The following ZNF512B variants were observed in gnomAD, a reference collection of about 807,000 sequenced individuals.
ZNF512B encodes the protein zinc finger protein 512B.
In ZNF512B, 22 loss-of-function variants were observed where a neutral mutation model predicts 87.8. The ratio of observed to expected loss-of-function variants is 0.25; its 90% CI spans 0.18 to 0.36. The LOEUF (loss-of-function observed/expected upper bound fraction) is 0.36. Ranked by LOEUF, ZNF512B falls within the 10% of genes least tolerant of loss-of-function variation. The probability of loss-of-function intolerance (pLI) is 1.00; values close to 1 mark genes in which losing one functional copy is unlikely to be tolerated. For missense variants in ZNF512B, 1,060 were observed against 1,231.6 expected, an observed-to-expected ratio of 0.86 and a Z score of 2.09; for synonymous variants, 524 against 490.9, an observed-to-expected ratio of 1.07 and a Z score of -0.89.
chr20:63,969,499 G>A (rs1245299440), intron 1 of ZNF512B, among the ~76,000 whole-genome samples: 1 of 150,904 alleles, frequency 6.6e-6, no homozygotes, highest in Admixed American at 6.6e-5. Flanking sequence ...GCGCACCTGG[G>A]GCCAGCCTCG....
intron 1 of ZNF512B, chr20:63,969,000 C>T (rs1170587438): frequency 1.8e-6 from 1 of 543,258 alleles, no homozygotes; most frequent in Non-Finnish European, 2.3e-6. Flanking sequence ...TAACTTGGAT[C>T]CGAGGGGATG....
rs148308453 is a variant in ZNF512B at position 63,966,433 on chromosome 20, C to T, written c.742G>A (p.Val248Ile). Reference sequence around the variant, plus strand: ...TTGGTGACCGGCATGGCCTTGGTGACGGGCATGGGCCTGCTGACTGTGACA... The same window carrying T: ...TTGGTGACCGGCATGGCCTTGGTGATGGGCATGGGCCTGCTGACTGTGACA... ...KPVTVSRPMPVTKAMPVTKPI... is the reference protein window; with the variant it reads ...KPVTVSRPMPITKAMPVTKPI... Residue 248 changes from valine (V) to isoleucine (I), a missense_variant, in exon 5 of 17, where the codon GTC becomes ATC. Physicochemically the swap from Val to Ile is conservative, Grantham distance 29. Around this residue, in one of 9 missense-constraint regions of ZNF512B, gnomAD observed 201 missense variants for 226.8 expected, o/e 0.89. Transcript: ENST00000369888. The T allele has an allele frequency of 2.9e-5, 47 of 1,613,800 alleles. No individual in the cohort carries two copies. The highest frequency in any genetic ancestry group is 1.4e-4 in the South Asian group (13 of 91,050).
In ZNF512B at chr20:63,961,327, G is replaced by A. The variant is rs777928536; in HGVS notation, c.2409C>T (p.Ile803=). ...CTCGCACCTCTGCGTGGGTCTTCAG[G>A]ATGTGGTATTTGACGCCACTCTCAG... is the stretch of plus-strand genomic sequence containing the variant. ...FSSESGVKYH[I]LKTHAENWFR... Residue 803 remains isoleucine (I), a synonymous_variant, in exon 16 of 17, where the codon ATC becomes ATT. Transcript: ENST00000369888. This position sits in a 1 kb window ranked among gnomAD's most constrained non-coding sequence, Gnocchi z 6.4. The A allele has an allele frequency of 2.5e-6, 4 of 1,612,704 alleles. No homozygotes were observed. Among genetic ancestry groups the A allele is most frequent in the Non-Finnish European group, 2.5e-6 (3 of 1,179,966 alleles).
In ZNF512B at chr20:63,966,621, G is replaced by A; in HGVS notation, c.554C>T (p.Pro185Leu). ...PISRPVTISR[P>L]VGVSKPIGVS... ...TCCGATGGGCTTGCTGACCCCAACAGGCCGGCTGATGGTGACCGGCCTGCT... is the reference window on the plus strand; with the variant it reads ...TCCGATGGGCTTGCTGACCCCAACAAGCCGGCTGATGGTGACCGGCCTGCT... Residue 185 changes from proline (P) to leucine (L), a missense_variant, in exon 5 of 17, where the codon CCT becomes CTT. By Grantham distance (98) the Pro-to-Leu change is moderately conservative. Around this residue, in one of 9 missense-constraint regions of ZNF512B, gnomAD observed 201 missense variants for 226.8 expected, o/e 0.89. Coordinates refer to ENST00000369888, the MANE Select transcript of ZNF512B (RefSeq NM_020713.3). 6.2e-7 allele frequency: 1 copy of A among 1,613,520 alleles called. No individual in the cohort carries two copies. The highest frequency in any genetic ancestry group is 8.5e-7 in the Non-Finnish European group (1 of 1,179,940).
rs1279952308 is a variant in ZNF512B at position 63,964,311 on chromosome 20, G to A, written c.1333+9C>T. ...AGCCCTGGAGGTGCACACCGGGCTG[G>A]GGTCTTACCTTTGAGCCCAAAGGTC... On this transcript the variant is annotated intron_variant, in intron 7 of 16. Transcript: ENST00000369888. 6.2e-7 allele frequency: 1 copy of A among 1,613,902 alleles called. No homozygotes were observed. Among genetic ancestry groups the A allele is most frequent in the East Asian group, 2.2e-5 (1 of 44,876 alleles).
chr20:63,962,362 G>T lies in ZNF512B; in HGVS notation c.2176C>A (p.Arg726=). Residue 726 remains arginine (R), a synonymous_variant, in exon 14 of 17, where the codon CGA becomes AGA. Coordinates refer to ENST00000369888, the MANE Select transcript of ZNF512B (RefSeq NM_020713.3). ...GGGTTCAGCGTGGGGAGCCCTGGTC[G>T]AGTGTAGTTGAGCTGTGAATTCGAC... ...VPETARLNYT[R]PGLPTLNPQL... 2 of 1,611,980 alleles carry T rather than the reference G, an allele frequency of 1.2e-6. No individual in the cohort carries two copies. Among genetic ancestry groups the T allele is most frequent in the East Asian group, 2.2e-5 (1 of 44,884 alleles).
chr20:63,969,242 C>A, intron 1 of ZNF512B: 1 of 956,940 alleles, frequency 1.0e-6, no homozygotes, highest in Non-Finnish European at 1.2e-6. Flanking sequence ...TTTCTGAAGC[C>A]TGGGAGAAGA....
intron 10 of ZNF512B, 61 bp downstream of exon 10, chr20:63,963,557 G>A (rs528916744): frequency 1.6e-4 from 262 of 1,601,358 alleles, no homozygotes; most frequent in East Asian, 6.3e-4. Context: ...GGGGCACTGC[G>A]GTGAAGGTGG....
intron 6 of ZNF512B, 24 bp from the exon 7 acceptor site, chr20:63,964,415 G>A (rs760876823): frequency 9.3e-6 from 15 of 1,613,670 alleles, no homozygotes; most frequent in African/African-American, 2.7e-5. Flanking sequence ...AGAAAACGGG[G>A]GCCAAGATTC....
At chr20:63,964,915 A>C (rs1601483086) in intron 5 of ZNF512B, among the ~76,000 whole-genome samples, 199 bp from the exon 6 acceptor site, 1 of 38,778 alleles carries the variant, frequency 2.6e-5, no homozygotes, top group Non-Finnish European at 5.2e-5. Flanking sequence ...ACCTTTTCTC[A>C]CCACTGTTCC....
chr20:63,964,304 C>A lies in ZNF512B; in HGVS notation c.1333+16G>T. On this transcript the variant is annotated intron_variant, in intron 7 of 16. Transcript: ENST00000369888. The stretch of plus-strand genomic sequence containing the variant: ...CAGCCCCAGCCCTGGAGGTGCACAC[C>A]GGGCTGGGGTCTTACCTTTGAGCCC... The A allele has an allele frequency of 6.2e-7, 1 of 1,613,816 alleles. No individual in the cohort carries two copies. Among genetic ancestry groups the A allele is most frequent in the Non-Finnish European group, 8.5e-7 (1 of 1,179,912 alleles).
chr20:63,963,986 G>A (rs549005002), intron 8 of ZNF512B, 73 bp from the exon 9 acceptor site: 2 of 1,597,416 alleles, frequency 1.3e-6, no homozygotes, highest in South Asian at 1.1e-5. Context: ...ACAGAATCCA[G>A]TCTCCACACT....
At chr20:63,960,519 C>T (rs2058838953) in intron 16 of ZNF512B, among the ~76,000 whole-genome samples, 1 of 128,160 alleles carries the variant, frequency 7.8e-6, no homozygotes. Context: ...CAGGGCTGGA[C>T]ACAGCCTTCA....
chr20:63,961,516 G>C lies in ZNF512B; in HGVS notation c.2329-109C>G, dbSNP rs1447776969. On this transcript the variant is annotated intron_variant, in intron 15 of 16. Transcript: ENST00000369888. The surrounding 1 kb of genome is among the most constrained non-coding windows in gnomAD (Gnocchi z 6.4). ...AGTCAGCGGTGGCCCAAGGAAAGCTGTGGCTGTCTGTGCCAGACAATGCAG... is the reference window on the plus strand; with the variant it reads ...AGTCAGCGGTGGCCCAAGGAAAGCTCTGGCTGTCTGTGCCAGACAATGCAG... The C allele has an allele frequency of 3.1e-5, 32 of 1,032,698 alleles. No homozygotes were observed. The highest frequency in any genetic ancestry group is 4.5e-5 in the Non-Finnish European group (31 of 684,128). 64.0% of individuals were successfully genotyped at this position (1,032,698 alleles called of 1,614,324 possible). A position where few individuals can be genotyped will look rare whatever the true frequency, so the allele number is the denominator to read the frequency against.
At chr20:63,962,904 T>C (rs2058871166) in intron 12 of ZNF512B, 123 bp from the exon 13 acceptor site, 2 of 1,271,864 alleles carry the variant, frequency 1.6e-6, no homozygotes, top group African/African-American at 3.0e-5. Context: ...GGGACATGGC[T>C]GACGCAGGCA....
rs1452457777 is a variant in ZNF512B, at chr20:63,962,719, G to A, written c.2031C>T (p.Thr677=). Residue 677 remains threonine (T), a synonymous_variant, in exon 13 of 17, where the codon ACC becomes ACT. Transcript: ENST00000369888. ...EAEDPLGVER[T]PSGRVRRTSA... ...ACGTGCGGCGGACACGCCCGCTTGG[G>A]GTCCGCTCCACACCCAGCGGGTCCT... 6.2e-7 allele frequency: 1 copy of A among 1,603,230 alleles called. No individual in the cohort carries two copies.
rs1458000734 is a variant in ZNF512B at position 63,960,464 on chromosome 20, G to T, written c.2428-325C>A. 2.0e-5 allele frequency among the ~76,000 whole-genome samples: 3 copies of T among 149,140 alleles called. No individual in the cohort carries two copies. The East Asian group carries it at 6.0e-4, about 30-fold the overall frequency. On this transcript the variant is annotated intron_variant, in intron 16 of 16. Coordinates refer to ENST00000369888, the MANE Select transcript of ZNF512B (RefSeq NM_020713.3). ...CTTCTGGACCAGGCAAGCACCTGCA[G>T]CAGGGGGCTGGACACAGCCTTCAGG...
In ZNF512B at chr20:63,967,965, T is replaced by C. The variant is rs759545295; in HGVS notation, c.-2-13A>G. The C allele has an allele frequency of 2.5e-6, 4 of 1,595,946 alleles. No individual in the cohort carries two copies. The South Asian group carries it at 3.3e-5, about 13-fold the overall frequency. Reference sequence around the variant, plus strand: ...GGATCCGTCATCTCTGCAGAGCAAGTAGACAATCTGTGAAGCCTGACGGGC... The same window carrying C: ...GGATCCGTCATCTCTGCAGAGCAAGCAGACAATCTGTGAAGCCTGACGGGC... On this transcript the variant is annotated splice_polypyrimidine_tract_variant and intron_variant, in intron 1 of 16. Coordinates refer to ENST00000369888, the MANE Select transcript of ZNF512B (RefSeq NM_020713.3).
At chr20:63,962,918 C>G in intron 12 of ZNF512B, 137 bp from the exon 13 acceptor site, 1 of 1,259,932 alleles carries the variant, frequency 7.9e-7, no homozygotes, top group Non-Finnish European at 1.1e-6. Flanking sequence ...GCAGGCAACC[C>G]GAGGGAACAC....
Sources: gnomAD v4.1 joint callset for allele counts (sites outside exome capture counted in the v4.1 genomes callset) on GRCh38, gnomAD v4.1.1 for gene constraint, gnomAD v4.1.1 regional missense constraint, Gnocchi (gnomAD v3.1) non-coding constraint, MANE v1.5 for transcripts, NCBI Gene and HGNC (gene_info 2026-07-23, HGNC 2026-07-21) for gene names.